The following DERA variants were observed in gnomAD, a reference collection of about 807,000 sequenced individuals.
DERA encodes 2-deoxy-D-ribose 5-phosphate aldolase.
DERA carries 15 observed loss-of-function variants against 41.1 expected under a neutral mutation model. That is an observed-to-expected ratio of 0.37 (90% confidence interval 0.24 to 0.56). The LOEUF is 0.56. DERA is among the 20% of genes least tolerant of loss of function. The pLI is 0.81. For missense variants in DERA, 396 were observed against 403.4 expected, an observed-to-expected ratio of 0.98 and a Z score of 0.16; for synonymous variants, 139 against 137.4, an observed-to-expected ratio of 1.01 and a Z score of -0.08.
chr12:15,962,843 A>G lies in DERA; in HGVS notation c.404A>G (p.His135Arg), dbSNP rs1442266584. 2 of 1,558,346 alleles carry G rather than the reference A, an allele frequency of 1.3e-6. No homozygotes were observed. The highest frequency in any genetic ancestry group is 1.7e-6 in the Non-Finnish European group (2 of 1,150,252). The change falls in exon 5 of 9, where the codon CAT (histidine) becomes CGT (arginine). Residue 135 changes from histidine to arginine, a missense_variant. His to Arg is a conservative substitution (Grantham distance 29, BLOSUM62 0). Transcript: ENST00000428559. ...GCTGGATTTCCAGCTGGACAGACTC[A>G]TTTGAAGACACGATTAGAAGAGATC... ...VAAGFPAGQT[H>R]LKTRLEEIRL... is the part of the protein sequence containing the mutation.
At position 16,021,039 on chromosome 12, in the gene DERA, G is replaced by A. The variant is rs145921666; in HGVS notation, c.638-11503G>A. 1.8e-4 allele frequency among the ~76,000 whole-genome samples: 27 copies of A among 152,330 alleles called. No homozygotes were observed. Among genetic ancestry groups the A allele is most frequent in the African/African-American group, 6.3e-4 (26 of 41,586 alleles). ...GGGAAAATTTGCAGCCTTTCCCTGT[G>A]GTAGAGAAGGAATTCAAGCAGGCTG... On this transcript the variant is annotated intron_variant, in intron 6 of 8. Coordinates refer to ENST00000428559, the MANE Select transcript of DERA (RefSeq NM_015954.4). The surrounding 1 kb of genome is among the most constrained non-coding windows in gnomAD (Gnocchi z 5.3).
chr12:15,988,995 C>T lies in DERA; in HGVS notation c.637+6559C>T, dbSNP rs894713309. On this transcript the variant is annotated intron_variant, in intron 6 of 8. Transcript: ENST00000428559. The surrounding 1 kb of genome is among the most constrained non-coding windows in gnomAD (Gnocchi z 6.0). ...TCCAGGCTCAGCCACAGCTTTGCTC[C>T]GCAGTGGAGAAGGCTCCAGGAGTAG... Among the ~76,000 whole-genome samples, 11 of 152,240 alleles carry T rather than the reference C, an allele frequency of 7.2e-5. No individual in the cohort carries two copies. The highest frequency in any genetic ancestry group is 7.3e-5 in the Non-Finnish European group (5 of 68,052).
chr12:15,955,319 C>G (rs1948529990), intron 1 of DERA, among the ~76,000 whole-genome samples: 2 of 151,766 alleles, frequency 1.3e-5, no homozygotes, highest in Non-Finnish European at 2.9e-5. Context: ...AAGAGGCTCC[C>G]CTGCGTTTGA....
In DERA at chr12:16,035,632, G is replaced by C. The variant is rs944428794; in HGVS notation, c.751-600G>C. 6.6e-6 allele frequency among the ~76,000 whole-genome samples: 1 copy of C among 152,050 alleles called. No individual in the cohort carries two copies. The highest frequency in any genetic ancestry group is 1.5e-5 in the Non-Finnish European group (1 of 67,988). On this transcript the variant is annotated intron_variant, in intron 7 of 8. Coordinates refer to ENST00000428559, the MANE Select transcript of DERA (RefSeq NM_015954.4). The surrounding 1 kb of genome is among the most constrained non-coding windows in gnomAD (Gnocchi z 4.1). The stretch of plus-strand genomic sequence containing the variant: ...GTTTTTCTACTGCCCTTATGTAACT[G>C]GTCTGCCAGCTTTTTAGAACTGTGT...
intron 7 of DERA, among the ~76,000 whole-genome samples, chr12:16,034,395 T>C (rs1949113257): frequency 6.6e-6 from 1 of 152,238 alleles, no homozygotes; most frequent in African/African-American, 2.4e-5. Flanking sequence ...GGAGGGACAC[T>C]TTGCTGTCTT....
chr12:16,008,018 A>G lies in DERA; in HGVS notation c.638-24524A>G, dbSNP rs1785518433. ...GGTGTGTGCCACTGTGTGCCCGGCT[A>G]ATTTTTGTATTTTTAGTAGAGACAG... On this transcript the variant is annotated intron_variant, in intron 6 of 8. Transcript: ENST00000428559. The surrounding 1 kb of genome is among the most constrained non-coding windows in gnomAD (Gnocchi z 4.8). Among the ~76,000 whole-genome samples the G allele has an allele frequency of 6.6e-6, 1 of 151,940 alleles. No homozygotes were observed. The highest frequency in any genetic ancestry group is 2.1e-4 in the South Asian group (1 of 4,810).
intron 6 of DERA, among the ~76,000 whole-genome samples, chr12:16,006,680 G>A (rs1458873487): frequency 6.6e-6 from 1 of 152,222 alleles, no homozygotes; most frequent in East Asian, 1.9e-4. Flanking sequence ...ATATGTGTCT[G>A]CCTATCTCTC....
rs1238931696 is a variant in DERA, at chr12:16,010,455, A to G, written c.638-22087A>G. Among the ~76,000 whole-genome samples the G allele has an allele frequency of 6.6e-6, 1 of 151,554 alleles. No individual in the cohort carries two copies. The highest frequency in any genetic ancestry group is 2.4e-5 in the African/African-American group (1 of 41,230). On this transcript the variant is annotated intron_variant, in intron 6 of 8. Coordinates refer to ENST00000428559, the MANE Select transcript of DERA (RefSeq NM_015954.4). This position sits in a 1 kb window ranked among gnomAD's most constrained non-coding sequence, Gnocchi z 5.5. ...TTTCTGCTTGTACCTTTACCCATAG[A>G]TGAGGTTTTCCGAGTTCTGCTGCTT...
Position 15,959,157 on chromosome 12 carries a change from A to G in DERA, c.278-672A>G, listed in dbSNP as rs978207587. Among the ~76,000 whole-genome samples the G allele has an allele frequency of 6.6e-6, 1 of 152,152 alleles. No homozygotes were observed. Among genetic ancestry groups the G allele is most frequent in the African/African-American group, 2.4e-5 (1 of 41,436 alleles). On this transcript the variant is annotated intron_variant, in intron 3 of 8. Transcript: ENST00000428559. This position sits in a 1 kb window ranked among gnomAD's most constrained non-coding sequence, Gnocchi z 4.5. ...GTAACATACAAACCTAAACAACTCT[A>G]CGGCTTTTGAAAAGTATTTATTATG...
rs1305096290 is a variant in DERA, at chr12:15,940,455, G to A, written c.32-16481G>A. Reference sequence around the variant, plus strand: ...CAACCTCCACCTCCCGGGTTCAAACGATTCTTCTGCCTCAGCCTCTCGAGT... The same window carrying A: ...CAACCTCCACCTCCCGGGTTCAAACAATTCTTCTGCCTCAGCCTCTCGAGT... On this transcript the variant is annotated intron_variant, in intron 1 of 8. Coordinates refer to ENST00000428559, the MANE Select transcript of DERA (RefSeq NM_015954.4). This position sits in a 1 kb window ranked among gnomAD's most constrained non-coding sequence, Gnocchi z 5.1. Among the ~76,000 whole-genome samples the A allele has an allele frequency of 1.3e-5, 2 of 151,980 alleles. No individual in the cohort carries two copies. Among genetic ancestry groups the A allele is most frequent in the Non-Finnish European group, 2.9e-5 (2 of 68,004 alleles).
At position 15,990,749 on chromosome 12, in the gene DERA, A is replaced by T. The variant is rs1948796429; in HGVS notation, c.637+8313A>T. ...TAGTTTGCTAAGGATAATGGCCTCC[A>T]GCTCCATCCATGTCCCTGCAAAGGA... On this transcript the variant is annotated intron_variant, in intron 6 of 8. Coordinates refer to ENST00000428559, the MANE Select transcript of DERA (RefSeq NM_015954.4). The surrounding 1 kb of genome is among the most constrained non-coding windows in gnomAD (Gnocchi z 4.3). 6.6e-6 allele frequency among the ~76,000 whole-genome samples: 1 copy of T among 152,124 alleles called. No individual in the cohort carries two copies. Among genetic ancestry groups the T allele is most frequent in the Non-Finnish European group, 1.5e-5 (1 of 68,012 alleles).
chr12:15,949,909 G>A (rs960961009), intron 1 of DERA, among the ~76,000 whole-genome samples: 5 of 152,132 alleles, frequency 3.3e-5, no homozygotes, highest in Admixed American at 3.3e-4. Flanking sequence ...TGACTTATCT[G>A]TGAGTTATTA....
rs1948615561 is a variant in DERA, at chr12:15,965,447, C to A, written c.508+2500C>A. Reference sequence around the variant, plus strand: ...ATTAGCTATTTTCCCTAATGCACTACCTGCCTCCACCCTCCCCCAACAGGC... The same window carrying A: ...ATTAGCTATTTTCCCTAATGCACTAACTGCCTCCACCCTCCCCCAACAGGC... On this transcript the variant is annotated intron_variant, in intron 5 of 8. Coordinates refer to ENST00000428559, the MANE Select transcript of DERA (RefSeq NM_015954.4). The surrounding 1 kb of genome is among the most constrained non-coding windows in gnomAD (Gnocchi z 4.1). Among the ~76,000 whole-genome samples, 1 of 152,168 alleles carries A rather than the reference C, an allele frequency of 6.6e-6. No individual in the cohort carries two copies. Among genetic ancestry groups the A allele is most frequent in the South Asian group, 2.1e-4 (1 of 4,830 alleles).
At chr12:15,997,400 A>G (rs1948845747) in intron 6 of DERA, among the ~76,000 whole-genome samples, 1 of 152,126 alleles carries the variant, frequency 6.6e-6, no homozygotes. Context: ...TTGGAAAGAT[A>G]TGTTAACAGG....
In DERA at chr12:15,947,654, C is replaced by G. The variant is rs899656126; in HGVS notation, c.32-9282C>G. The stretch of plus-strand genomic sequence containing the variant: ...TACAGCACATTGATGGGTCTTGACT[C>G]TTTATCCAATTTGCCAGTCTGTGTC... On this transcript the variant is annotated intron_variant, in intron 1 of 8. Coordinates refer to ENST00000428559, the MANE Select transcript of DERA (RefSeq NM_015954.4). Among the ~76,000 whole-genome samples, 5 of 152,254 alleles carry G rather than the reference C, an allele frequency of 3.3e-5. No individual in the cohort carries two copies. The South Asian group carries it at 1.0e-3, about 32-fold the overall frequency.
chr12:16,025,584 TAAAC>T (rs893274954), intron 6 of DERA, among the ~76,000 whole-genome samples: 14 of 152,034 alleles, frequency 9.2e-5, no homozygotes, highest in Admixed American at 7.9e-4. Flanking sequence ...AAAAAAGAAA[TAAAC>T]AAATCTACTA....
intron 1 of DERA, among the ~76,000 whole-genome samples, chr12:15,942,215 T>G (rs1291365183): frequency 1.3e-5 from 2 of 152,198 alleles, no homozygotes; most frequent in East Asian, 1.9e-4. Flanking sequence ...GGATTACTTG[T>G]TTTTTTCTTG....
At position 15,990,146 on chromosome 12, in the gene DERA, T is replaced by C. The variant is rs1046454158; in HGVS notation, c.637+7710T>C. Among the ~76,000 whole-genome samples the C allele has an allele frequency of 1.3e-5, 2 of 152,192 alleles. No homozygotes were observed. Among genetic ancestry groups the C allele is most frequent in the Admixed American group, 1.3e-4 (2 of 15,282 alleles). ...AAGGAAACATAATGAAATCTTTTTTTTTCTATACTCTTTCAAGGCATTATT... is the reference window on the plus strand; with the variant it reads ...AAGGAAACATAATGAAATCTTTTTTCTTCTATACTCTTTCAAGGCATTATT... On this transcript the variant is annotated intron_variant, in intron 6 of 8. Coordinates refer to ENST00000428559, the MANE Select transcript of DERA (RefSeq NM_015954.4). This position sits in a 1 kb window ranked among gnomAD's most constrained non-coding sequence, Gnocchi z 4.3.
In DERA at chr12:15,913,322, T is replaced by C. The variant is rs1948177726; in HGVS notation, c.31+1908T>C. 6.6e-6 allele frequency among the ~76,000 whole-genome samples: 1 copy of C among 152,236 alleles called. No homozygotes were observed. Among genetic ancestry groups the C allele is most frequent in the Admixed American group, 6.5e-5 (1 of 15,286 alleles). On this transcript the variant is annotated intron_variant, in intron 1 of 8. Transcript: ENST00000428559. This position sits in a 1 kb window ranked among gnomAD's most constrained non-coding sequence, Gnocchi z 4.5. ...TCTTATTTGTTAAAATCAGATTTTT[T>C]TCCTTCACGGGTATTAATCCTTAAT...
Sources: allele counts gnomAD v4.1 joint callset (sites outside exome capture counted in the v4.1 genomes callset), GRCh38; gene constraint gnomAD v4.1.1; non-coding constraint Gnocchi (gnomAD v3.1); transcripts MANE v1.5; gene names NCBI Gene and HGNC (gene_info 2026-07-23, HGNC 2026-07-21).